Variants in ARSG observed in about 807,000 individuals in gnomAD.
ARSG encodes ASG.
A neutral mutation model predicts 50.5 loss-of-function variants in ARSG; 37 were observed. The ratio of observed to expected loss-of-function variants is 0.73; its 90% confidence interval spans 0.56 to 0.96. ARSG has a LOEUF of 0.96. ARSG is among the 50% of genes least tolerant of loss of function. The pLI is 0.00. For synonymous variants in ARSG, 225 were observed against 254.6 expected (o/e 0.88, Z 1.11); for missense variants, 629 against 675.3 (o/e 0.93, Z 0.76).
chr17:68,283,296 G>A (rs2075755819), intron 1 of ARSG, among the ~76,000 whole-genome samples: 1 of 151,862 alleles, frequency 6.6e-6, no homozygotes, highest in Non-Finnish European at 1.5e-5. Flanking sequence ...CGAGGCAGGC[G>A]AATCACGAGG....
chr17:68,427,069 GT>G (rs2083244879), downstream of ARSG: 1 of 1,334,460 alleles, frequency 7.5e-7, no homozygotes, highest in African/African-American at 1.4e-5. Flanking sequence ...GGGAGGGAGC[GT>G]GCAGGGAGAA....
intron 1 of ARSG, among the ~76,000 whole-genome samples, chr17:68,283,389 C>T (rs1470022079): frequency 6.6e-6 from 1 of 151,892 alleles, no homozygotes; most frequent in Non-Finnish European, 1.5e-5. Context: ...GGCGTGGTGG[C>T]GGGCGCCTGT....
downstream of ARSG, chr17:68,426,284 G>T: frequency 2.4e-6 from 2 of 845,388 alleles, no homozygotes; most frequent in Non-Finnish European, 3.8e-6. Flanking sequence ...AAGCAAAGGG[G>T]CTGTCTGTCT....
Position 68,352,570 on chromosome 17 carries a change from C to T in ARSG, c.566+884C>T, listed in dbSNP as rs543411303. Among the ~76,000 whole-genome samples, 5 of 149,068 alleles carry T rather than the reference C, an allele frequency of 3.4e-5. No individual in the cohort carries two copies. The East Asian group carries it at 5.9e-4, about 18-fold the overall frequency. On this transcript the variant is annotated intron_variant, in intron 5 of 11. Transcript: ENST00000621439. ...TCTTACCCAGGCTAGAGCGCAGTGG[C>T]GCGATCTCGGCTCACTGCAACCTCT...
At chr17:68,343,409 G>A (rs1451125026) in intron 2 of ARSG, among the ~76,000 whole-genome samples, 195 bp from the exon 3 acceptor site, 2 of 152,228 alleles carry the variant, frequency 1.3e-5, no homozygotes, top group South Asian at 2.1e-4. Context: ...CTCCCACCTC[G>A]GCCTCTCAAA....
At position 68,368,731 on chromosome 17, in the gene ARSG, C is replaced by T. The variant is rs1427077945; in HGVS notation, c.888C>T (p.Phe296=). The T allele has an allele frequency of 9.9e-6, 16 of 1,613,242 alleles. No homozygotes were observed. Among genetic ancestry groups the T allele is most frequent in the Non-Finnish European group, 1.3e-5 (15 of 1,179,778 alleles). The change falls in exon 7 of 12, where the codon TTC becomes TTT. Residue 296 remains phenylalanine (F), a synonymous_variant. Transcript: ENST00000621439. ...KVDHTVKENT[F]LWFTGDNGPW... ...ACCACACAGTGAAGGAAAACACATT[C>T]CTCTGGTTTACAGGTAAAGTAGTAA...
At chr17:68,298,594 CAA>C (rs562725952) in intron 1 of ARSG, among the ~76,000 whole-genome samples, 8 of 64,836 alleles carry the variant, frequency 1.2e-4, no homozygotes, top group East Asian at 9.1e-4. Context: ...GATCCTGTCT[CAA>C]AAAAAAAAAA....
intron 8 of ARSG, among the ~76,000 whole-genome samples, chr17:68,383,150 C>G (rs1197621088): frequency 6.6e-6 from 1 of 152,186 alleles, no homozygotes; most frequent in Non-Finnish European, 1.5e-5. Flanking sequence ...GAAAGTCAGT[C>G]ACCTACAAGA....
At chr17:68,383,934 G>A (rs532094328) in intron 8 of ARSG, among the ~76,000 whole-genome samples, 11 of 152,248 alleles carry the variant, frequency 7.2e-5, no homozygotes, top group Non-Finnish European at 1.5e-4. Flanking sequence ...AAACTTGAGG[G>A]ACTCCAAAGC....
intron 3 of ARSG, among the ~76,000 whole-genome samples, chr17:68,344,591 C>G (rs2078423149): frequency 6.6e-6 from 1 of 152,254 alleles, no homozygotes; most frequent in Admixed American, 6.5e-5. Flanking sequence ...GCTGCCTAAC[C>G]TGGAGGGGTG....
chr17:68,281,543 C>T (rs1278351413), intron 1 of ARSG, among the ~76,000 whole-genome samples: 1 of 152,124 alleles, frequency 6.6e-6, no homozygotes, highest in Admixed American at 6.6e-5. Context: ...CCACTGTACT[C>T]CAGCCTGGTG....
chr17:68,404,043 CT>C (rs2081597741), intron 11 of ARSG, among the ~76,000 whole-genome samples: 1 of 152,042 alleles, frequency 6.6e-6, no homozygotes, highest in African/African-American at 2.4e-5. Flanking sequence ...TGAACTCATC[CT>C]TTTTTATGGC....
At chr17:68,437,005 A>AAATATATAT in the ARSG span, among the ~76,000 whole-genome samples, 5,198 of 106,660 alleles carry the variant, frequency 0.049, 148 homozygotes, top group Non-Finnish European at 0.053. Context: ...AAAAAAAAAA[A>AAATATATAT]ATATATATAT....
At chr17:68,268,932 A>AAAAC in intron 1 of ARSG, 1 of 1,472,852 alleles carries the variant, frequency 6.8e-7, no homozygotes, top group Non-Finnish European at 9.1e-7. Context: ...AAAACAAAAC[A>AAAAC]AAACAAAAGC....
the ARSG span, among the ~76,000 whole-genome samples, chr17:68,439,725 A>G: frequency 6.6e-6 from 1 of 152,206 alleles, no homozygotes; most frequent in Non-Finnish European, 1.5e-5. Context: ...TTCAAGACTG[A>G]GGTCTGCTAT....
downstream of ARSG, chr17:68,424,683 G>A (rs370325535): frequency 7.5e-5 from 26 of 345,156 alleles, no homozygotes; most frequent in African/African-American, 5.3e-4. Flanking sequence ...TGAGACCAGC[G>A]TGACCAACAT....
intron 2 of ARSG, among the ~76,000 whole-genome samples, chr17:68,325,967 T>C (rs918697024): frequency 1.8e-4 from 27 of 152,128 alleles, no homozygotes; most frequent in African/African-American, 6.3e-4. Context: ...GGTGGGACAT[T>C]ACATGGGAAA....
intron 1 of ARSG, chr17:68,272,690 T>C (rs782629922): frequency 4.3e-6 from 7 of 1,614,208 alleles, no homozygotes; most frequent in Non-Finnish European, 5.9e-6. Flanking sequence ...GCAACTGCAG[T>C]GACTATGGAA....
chr17:68,336,391 G>T (rs976286733), intron 2 of ARSG, among the ~76,000 whole-genome samples: 1 of 151,640 alleles, frequency 6.6e-6, no homozygotes, highest in Non-Finnish European at 1.5e-5. Context: ...TGTATTTTTA[G>T]TAGGGACAGG....
Sources: gnomAD v4.1 joint callset for allele counts (sites outside exome capture counted in the v4.1 genomes callset) on GRCh38, gnomAD v4.1.1 for gene constraint, MANE v1.5 for transcripts, NCBI Gene and HGNC (gene_info 2026-07-23, HGNC 2026-07-21) for gene names.